Variants in TMPRSS2 observed in about 807,000 individuals in gnomAD.
TMPRSS2 encodes the protein transmembrane serine protease 2, also known as transmembrane protease serine 2.
Under a neutral mutation model 67.4 loss-of-function variants are expected in TMPRSS2, and 59 were observed. The ratio of observed to expected loss-of-function variants is 0.88; its 90% CI spans 0.71 to 1.09. TMPRSS2 has a LOEUF of 1.09. TMPRSS2 is among the 50% of genes least tolerant of loss of function. TMPRSS2 has a pLI of 0.00. For missense variants in TMPRSS2, 668 were observed against 642.7 expected, an observed-to-expected ratio of 1.04 and a Z score of -0.43; for synonymous variants, 257 against 257.0, an observed-to-expected ratio of 1.00 and a Z score of 0.00.
intron 13 of TMPRSS2, among the ~76,000 whole-genome samples, 188 bp downstream of exon 13, chr21:41,467,546 G>GC (rs530385383): frequency 2.0e-5 from 3 of 152,154 alleles, no homozygotes; most frequent in Non-Finnish European, 4.4e-5. Context: ...TGCAAGTGAA[G>GC]CCAGTGAGAG....
Position 41,467,813 on chromosome 21 carries a change from G to A in TMPRSS2, c.1388C>T (p.Ser463Phe), listed in dbSNP as rs2146419758. ...TGGTCTGTAAGCTTTGGCACAGCCA[G>A]AACCCCAGCTTGTATCCCCTATCAG... ...WWLIGDTSWGSGCAKAYRPGV... is the reference protein window; with the variant it reads ...WWLIGDTSWGFGCAKAYRPGV... The change falls in exon 13 of 14, where the codon TCT (serine) becomes TTT (phenylalanine). Residue 463 changes from serine (S) to phenylalanine (F), a missense_variant. Coordinates refer to ENST00000332149, the MANE Select transcript of TMPRSS2 (RefSeq NM_005656.4). 3 of 1,614,252 alleles carry A rather than the reference G, an allele frequency of 1.9e-6. No homozygotes were observed. The Middle Eastern group carries it at 4.9e-4, about 266-fold the overall frequency.
intron 5 of TMPRSS2, among the ~76,000 whole-genome samples, chr21:41,483,576 G>A (rs571546209): frequency 4.5e-4 from 68 of 150,472 alleles, no homozygotes; most frequent in African/African-American, 1.6e-3. Context: ...GATTACAGGC[G>A]TGAGCCAGCA....
At chr21:41,494,825 C>T in intron 2 of TMPRSS2, 1 of 501,326 alleles carries the variant, frequency 2.0e-6, no homozygotes, top group Non-Finnish European at 3.6e-6. Context: ...AATCCCAGCA[C>T]TTTGGGAGGC....
At position 41,485,116 on chromosome 21, in the gene TMPRSS2, G is replaced by T. The variant is rs561327241; in HGVS notation, c.445+3278C>A. ...TGTGTGTGTGTGTGTGTGTGTGTGT[G>T]TCTGGGGTGTATGGGGGGATGCGGG... is the stretch of plus-strand genomic sequence containing the variant. On this transcript the variant is annotated intron_variant, in intron 5 of 13. Coordinates refer to ENST00000332149, the MANE Select transcript of TMPRSS2 (RefSeq NM_005656.4). Among the ~76,000 whole-genome samples the T allele has an allele frequency of 2.7e-4, 38 of 143,206 alleles. No homozygotes were observed. In the South Asian group the frequency reaches 8.6e-3, roughly 32 times the overall value. The allele number at this position is 143,206 out of a possible 152,430, so 93.9% of individuals were successfully genotyped here.
Position 41,502,672 on chromosome 21 carries a change from A to C in TMPRSS2, c.-56-4483T>G, listed in dbSNP as rs1211201865. The C allele has an allele frequency of 4.9e-6, 4 of 817,336 alleles. No homozygotes were observed. In the African/African-American group the frequency reaches 7.4e-5, roughly 15 times the overall value. The allele number at this position is 817,336 out of a possible 1,614,324, so 50.6% of individuals were successfully genotyped here. A position where few individuals can be genotyped will look rare whatever the true frequency, so the allele number is the denominator to read the frequency against. ...AATGAGTTAGCCAACAGTGGATTTC[A>C]GTGGCTGTTCAGCAGAAACTTGTTT... On this transcript the variant is annotated intron_variant, in intron 1 of 13. Transcript: ENST00000332149.
chr21:41,506,209 T>C (rs1210411862), intron 1 of TMPRSS2, among the ~76,000 whole-genome samples: 1 of 152,160 alleles, frequency 6.6e-6, no homozygotes, highest in African/African-American at 2.4e-5. Flanking sequence ...ACAAGCTTGT[T>C]GTTAGAAGGT....
chr21:41,495,626 C>CAAA (rs11336247), intron 2 of TMPRSS2, among the ~76,000 whole-genome samples: 1 of 128,354 alleles, frequency 7.8e-6, no homozygotes, highest in Non-Finnish European at 1.6e-5. Context: ...ACTCCCGTCT[C>CAAA]AAAAAAAAAA....
At chr21:41,502,083 AC>A (rs2091428444) in intron 1 of TMPRSS2, among the ~76,000 whole-genome samples, 1 of 152,142 alleles carries the variant, frequency 6.6e-6, no homozygotes, top group Non-Finnish European at 1.5e-5. Flanking sequence ...CTGTCCTCGC[AC>A]TGTTTTGGTC....
In TMPRSS2 at chr21:41,467,864, A is replaced by G; in HGVS notation, c.1337T>C (p.Val446Ala). Reference sequence around the variant, plus strand: ...CCACCAGATATTGTTCTTCGAAGTGACCAGAGGCCCTCCACTGTCACCCTG... The same window carrying G: ...CCACCAGATATTGTTCTTCGAAGTGGCCAGAGGCCCTCCACTGTCACCCTG... ...SCQGDSGGPL[V>A]TSKNNIWWLI... The change falls in exon 13 of 14, where the codon GTC becomes GCC. Residue 446 changes from valine (V) to alanine (A), a missense_variant. Val to Ala is a moderately conservative substitution (Grantham distance 64). Coordinates refer to ENST00000332149, the MANE Select transcript of TMPRSS2 (RefSeq NM_005656.4). The G allele has an allele frequency of 6.2e-7, 1 of 1,614,168 alleles. No individual in the cohort carries two copies. Among genetic ancestry groups the G allele is most frequent in the Non-Finnish European group, 8.5e-7 (1 of 1,180,034 alleles).
At chr21:41,476,293 G>A (rs1315097747) in intron 8 of TMPRSS2, among the ~76,000 whole-genome samples, 4 of 152,156 alleles carry the variant, frequency 2.6e-5, no homozygotes, top group Admixed American at 1.3e-4. Flanking sequence ...GAGACCTGCC[G>A]GGCCTCCAGC....
chr21:41,492,200 A>C (rs1440681118), intron 3 of TMPRSS2, among the ~76,000 whole-genome samples: 1 of 146,828 alleles, frequency 6.8e-6, no homozygotes, highest in Non-Finnish European at 1.5e-5. Context: ...CTCAAAAAAC[A>C]AACAAACAAA....
At chr21:41,506,993 C>T (rs1294688158) in intron 1 of TMPRSS2, among the ~76,000 whole-genome samples, 4 of 152,176 alleles carry the variant, frequency 2.6e-5, no homozygotes, top group Admixed American at 6.5e-5. Context: ...CTCGGGCCGC[C>T]GTGCTATCCT....
chr21:41,491,066 G>C (rs925094659), intron 3 of TMPRSS2, among the ~76,000 whole-genome samples: 4 of 151,952 alleles, frequency 2.6e-5, no homozygotes, highest in Admixed American at 6.6e-5. Context: ...AACTGTTACA[G>C]GCTTAAGAAT....
chr21:41,499,990 C>A (rs1053728138), intron 1 of TMPRSS2, among the ~76,000 whole-genome samples: 1 of 152,162 alleles, frequency 6.6e-6, no homozygotes, highest in Admixed American at 6.5e-5. Context: ...CCTGGCCAGA[C>A]CAGTGTCCAC....
At chr21:41,493,629 G>A (rs953051254) in intron 3 of TMPRSS2, among the ~76,000 whole-genome samples, 3 of 152,222 alleles carry the variant, frequency 2.0e-5, no homozygotes, top group South Asian at 2.1e-4. Context: ...ACTGCTGTGC[G>A]GGTTCCACCT....
intron 3 of TMPRSS2, among the ~76,000 whole-genome samples, chr21:41,492,301 T>C (rs530164922): frequency 3.3e-5 from 5 of 152,246 alleles, no homozygotes; most frequent in Non-Finnish European, 5.9e-5. Flanking sequence ...GCCTCATGGT[T>C]TCTCACGTTT....
intron 1 of TMPRSS2, 38 bp from the exon 2 acceptor site, chr21:41,498,227 C>A (rs747902611): frequency 7.1e-7 from 1 of 1,399,694 alleles, no homozygotes; most frequent in Non-Finnish European, 1.0e-6. Flanking sequence ...TATTTCCATA[C>A]CAGTTAGTTT....
intron 13 of TMPRSS2, among the ~76,000 whole-genome samples, chr21:41,466,690 G>A (rs2091087514): frequency 1.3e-5 from 2 of 152,228 alleles, no homozygotes; most frequent in South Asian, 2.1e-4. Flanking sequence ...GGAGACACAG[G>A]TCGGGCCTCA....
chr21:41,479,434 A>G (rs2091240005), intron 6 of TMPRSS2, 152 bp from the exon 7 acceptor site: 1 of 625,250 alleles, frequency 1.6e-6, no homozygotes, highest in Non-Finnish European at 2.7e-6. Flanking sequence ...ACCAAGTGCT[A>G]GAATATTGTA....
Sources: allele counts gnomAD v4.1 joint callset (sites outside exome capture counted in the v4.1 genomes callset), GRCh38; gene constraint gnomAD v4.1.1; transcripts MANE v1.5; gene names NCBI Gene and HGNC (gene_info 2026-07-23, HGNC 2026-07-21).